The following CRACD variants were observed in gnomAD, a reference collection of about 807,000 sequenced individuals.
The protein encoded by CRACD is capping protein inhibiting regulator of actin dynamics, also known as capping protein-inhibiting regulator of actin dynamics.
Under a neutral mutation model 106.8 loss-of-function variants are expected in CRACD, and 56 were observed. That is an observed-to-expected ratio of 0.52 (90% CI 0.42 to 0.66). The LOEUF (loss-of-function observed/expected upper bound fraction) is 0.66, where lower values mean the gene tolerates loss of function less well. Ranked by LOEUF, CRACD falls within the 30% of genes least tolerant of loss-of-function variation. The pLI, the probability that CRACD is intolerant of heterozygous loss-of-function variation, is 0.00. For missense variants in CRACD, 1,730 were observed against 1,623.2 expected, an observed-to-expected ratio of 1.07 and a Z score of -1.13; for synonymous variants, 754 against 670.8, an observed-to-expected ratio of 1.12 and a Z score of -1.92.
intron 1 of CRACD, among the ~76,000 whole-genome samples, chr4:56,098,135 T>G (rs1220155441): frequency 6.6e-6 from 1 of 152,238 alleles, no homozygotes; most frequent in Non-Finnish European, 1.5e-5. Context: ...ATTCTTGTGC[T>G]TTAAGCACAT....
chr4:56,279,891 G>C (rs559802859), intron 3 of CRACD, among the ~76,000 whole-genome samples: 14 of 151,604 alleles, frequency 9.2e-5, no homozygotes, highest in East Asian at 3.9e-4. Context: ...TTGGAACCAA[G>C]CCAAATGTCC....
chr4:56,203,560 T>C (rs1219824557), intron 2 of CRACD, among the ~76,000 whole-genome samples: 1 of 152,176 alleles, frequency 6.6e-6, no homozygotes, highest in Non-Finnish European at 1.5e-5. Flanking sequence ...CAGAGTTGCA[T>C]ATTGAACTGT....
chr4:56,088,654 C>T (rs1733312405), intron 1 of CRACD, among the ~76,000 whole-genome samples: 1 of 152,132 alleles, frequency 6.6e-6, no homozygotes, highest in African/African-American at 2.4e-5. Context: ...TACTTACTGC[C>T]TCTAAGGCTC....
intron 2 of CRACD, among the ~76,000 whole-genome samples, chr4:56,217,913 A>C (rs1738795653): frequency 6.6e-6 from 1 of 152,178 alleles, no homozygotes; most frequent in Non-Finnish European, 1.5e-5. Context: ...CCAAAACCAA[A>C]GTGTTGGCAG....
intron 6 of CRACD, chr4:56,311,357 AG>A (rs953666061): frequency 4.6e-5 from 7 of 152,508 alleles, no homozygotes; most frequent in African/African-American, 1.4e-4. Context: ...CTCCTGAAGA[AG>A]GGGATGGCTC....
intron 2 of CRACD, among the ~76,000 whole-genome samples, chr4:56,189,943 A>G (rs1241698908): frequency 1.4e-5 from 2 of 145,318 alleles, no homozygotes; most frequent in Admixed American, 6.8e-5. Context: ...AGCATTAGGT[A>G]TATCTCCCAA....
At chr4:56,250,767 C>T (rs4865077) in intron 2 of CRACD, among the ~76,000 whole-genome samples, 16,101 of 152,122 alleles carry the variant, frequency 0.11, 2,246 homozygotes, top group East Asian at 0.61. Flanking sequence ...ACAGAGTGGT[C>T]GTGAGGTATT....
At chr4:56,230,356 T>G (rs752150297) in intron 2 of CRACD, among the ~76,000 whole-genome samples, 2 of 152,148 alleles carry the variant, frequency 1.3e-5, no homozygotes, top group Non-Finnish European at 2.9e-5. Context: ...ATTTGGCCTT[T>G]TCAAGTTGAA....
intron 3 of CRACD, among the ~76,000 whole-genome samples, chr4:56,285,488 G>A (rs573195781): frequency 3.7e-4 from 56 of 152,148 alleles, no homozygotes; most frequent in African/African-American, 1.1e-3. Flanking sequence ...CACAAAGGCC[G>A]GAGTGCAGTG....
chr4:56,316,480 C>G lies in CRACD; in HGVS notation c.2978C>G (p.Ala993Gly). ...PYLVELLSRR[A>G]GRPDPEPSEP... is the part of the protein sequence containing the mutation. ...TTGGTAGAGCTGCTGTCTCGCCGAG[C>G]GGGGAGGCCGGACCCAGAGCCAAGT... Residue 993 changes from alanine (A) to glycine (G), a missense_variant, in exon 8 of 11, where the codon GCG becomes GGG. Around this residue, in one of 5 missense-constraint regions of CRACD, gnomAD observed 1,620 missense variants for 1,481.6 expected, o/e 1.09. Coordinates refer to ENST00000682029, the MANE Select transcript of CRACD (RefSeq NM_001393381.1). 6.2e-7 allele frequency: 1 copy of G among 1,613,808 alleles called. No individual in the cohort carries two copies.
chr4:56,306,894 T>C (rs1744749870), intron 4 of CRACD, among the ~76,000 whole-genome samples: 1 of 152,190 alleles, frequency 6.6e-6, no homozygotes, highest in South Asian at 2.1e-4. Context: ...ATTGTTCCTA[T>C]CCTTTATAGG....
At chr4:56,084,146 C>CGGT (rs1733135675) in intron 1 of CRACD, among the ~76,000 whole-genome samples, 1 of 152,106 alleles carries the variant, frequency 6.6e-6, no homozygotes, top group Non-Finnish European at 1.5e-5. Flanking sequence ...CTGTGCATCA[C>CGGT]CCCAAAAGAC....
At chr4:56,051,845 C>G (rs963653876) in intron 1 of CRACD, among the ~76,000 whole-genome samples, 1 of 152,162 alleles carries the variant, frequency 6.6e-6, no homozygotes, top group African/African-American at 2.4e-5. Flanking sequence ...GCTTTACTGG[C>G]TACTAGCTCT....
chr4:56,150,515 AAAC>A (rs1454832979), intron 1 of CRACD, among the ~76,000 whole-genome samples: 5 of 152,192 alleles, frequency 3.3e-5, no homozygotes, highest in Admixed American at 2.0e-4. Flanking sequence ...CAGCATCCGG[AAAC>A]AACACCTACC....
At chr4:56,280,646 AT>A (rs35962954) in intron 3 of CRACD, among the ~76,000 whole-genome samples, 71,800 of 152,060 alleles carry the variant, frequency 0.47, 17,905 homozygotes, top group African/African-American at 0.64. Flanking sequence ...GAATGAATGC[AT>A]TGATTACTGC....
chr4:56,063,387 T>G (rs1462121744), intron 1 of CRACD, among the ~76,000 whole-genome samples: 1 of 152,130 alleles, frequency 6.6e-6, no homozygotes, highest in Non-Finnish European at 1.5e-5. Context: ...GTAAAATATA[T>G]ATAACAAAAA....
intron 1 of CRACD, among the ~76,000 whole-genome samples, chr4:56,171,831 T>G (rs7668822): frequency 0.69 from 105,033 of 151,776 alleles, 36,759 homozygotes; most frequent in African/African-American, 0.73. Context: ...CACCTGTGAA[T>G]ATGTTTCCAT....
chr4:56,306,434 A>G (rs946518608), intron 4 of CRACD, among the ~76,000 whole-genome samples: 9 of 152,008 alleles, frequency 5.9e-5, no homozygotes, highest in Admixed American at 2.6e-4. Context: ...AATCATCTGA[A>G]CCTGGGAATT....
intron 2 of CRACD, among the ~76,000 whole-genome samples, chr4:56,211,997 G>A (rs578238419): frequency 1.1e-4 from 17 of 152,178 alleles, no homozygotes; most frequent in South Asian, 8.3e-4. Context: ...AGACCTGCTG[G>A]GCTGTATCCC....
Sources: allele counts gnomAD v4.1 joint callset (sites outside exome capture counted in the v4.1 genomes callset), GRCh38; gene constraint gnomAD v4.1.1; regional missense constraint gnomAD v4.1.1; transcripts MANE v1.5; gene names NCBI Gene and HGNC (gene_info 2026-07-23, HGNC 2026-07-21).